The following ESRRB variants were observed in gnomAD, a reference collection of about 807,000 sequenced individuals.
The protein encoded by ESRRB is steroid hormone receptor ERR2.
In ESRRB, 16 loss-of-function variants were observed where a neutral mutation model predicts 46.0. The observed-to-expected ratio is 0.35, with a 90% CI of 0.24 to 0.53. The LOEUF is 0.53. ESRRB is among the 20% of genes least tolerant of loss of function. The pLI, the probability that ESRRB is intolerant of heterozygous loss-of-function variation, is 0.93. For missense variants in ESRRB, 488 were observed against 607.4 expected, an observed-to-expected ratio of 0.80 and a Z score of 2.07; for synonymous variants, 246 against 259.6, an observed-to-expected ratio of 0.95 and a Z score of 0.50.
intron 3 of ESRRB, among the ~76,000 whole-genome samples, chr14:76,474,991 G>A (rs991105776): frequency 2.0e-5 from 3 of 151,910 alleles, no homozygotes; most frequent in Non-Finnish European, 4.4e-5. Flanking sequence ...CACTTTGGGA[G>A]GCTGAGGCAG....
rs1312679222 is a variant in ESRRB at position 76,332,631 on chromosome 14, T to A, written c.2+21715T>A. Among the ~76,000 whole-genome samples the A allele has an allele frequency of 2.9e-3, 113 of 39,510 alleles. 1 individual carries two copies. Among genetic ancestry groups the A allele is most frequent in the African/African-American group, 0.014 (101 of 7,234 alleles). The allele number at this position is 39,510 out of a possible 152,430, so 25.9% of individuals were successfully genotyped here. On this transcript the variant is annotated intron_variant, in intron 1 of 6. Coordinates refer to the ESRRB transcript ENST00000512784. ...ATTTATATATTATATAAATATATAT[T>A]ATATATATTTATATATTATATAAAT... is the stretch of plus-strand genomic sequence containing the variant.
intron 2 of ESRRB, among the ~76,000 whole-genome samples, chr14:76,444,786 A>ATT (rs1003777274): frequency 6.6e-6 from 1 of 151,902 alleles, no homozygotes; most frequent in African/African-American, 2.4e-5. Flanking sequence ...TATTCAGGTC[A>ATT]TTTTTTTTAA....
intron 2 of ESRRB, among the ~76,000 whole-genome samples, chr14:76,460,718 T>TTTTTTTTTTTA (rs1888816998): frequency 2.6e-5 from 4 of 151,348 alleles, no homozygotes; most frequent in Admixed American, 6.6e-5. Context: ...CATTTTTTTT[T>TTTTTTTTTTTA]GAGACGGAGT....
intron 2 of ESRRB, among the ~76,000 whole-genome samples, chr14:76,440,048 G>A (rs1887854061): frequency 6.6e-6 from 1 of 152,124 alleles, no homozygotes; most frequent in African/African-American, 2.4e-5. Flanking sequence ...TCACTGGTAT[G>A]GAGTACACTG....
intron 6 of ESRRB, among the ~76,000 whole-genome samples, chr14:76,495,841 C>T (rs1263256067): frequency 6.6e-6 from 1 of 152,078 alleles, no homozygotes; most frequent in Non-Finnish European, 1.5e-5. Flanking sequence ...TATAAATCAT[C>T]CTTCCAAAGT....
intron 5 of ESRRB, among the ~76,000 whole-genome samples, chr14:76,488,127 C>G (rs1890087928): frequency 6.6e-6 from 1 of 152,170 alleles, no homozygotes; most frequent in Non-Finnish European, 1.5e-5. Context: ...TTTTCTTTCT[C>G]AATTTTCCTT....
chr14:76,314,683 A>G (rs1705534070), intron 1 of ESRRB, among the ~76,000 whole-genome samples: 1 of 152,030 alleles, frequency 6.6e-6, no homozygotes, highest in Admixed American at 6.5e-5. Flanking sequence ...TTCCCAGGTA[A>G]AGGCAGGTGA....
intron 1 of ESRRB, among the ~76,000 whole-genome samples, chr14:76,408,433 T>C (rs1886286502): frequency 1.3e-5 from 2 of 151,512 alleles, no homozygotes; most frequent in African/African-American, 4.9e-5. Context: ...TTTTAAAAAT[T>C]AACCAGGTGC....
Position 76,439,365 on chromosome 14 carries a change from C to G in ESRRB, c.75C>G (p.Asp25Glu), listed in dbSNP as rs1141580. The G allele has an allele frequency of 6.2e-7, 1 of 1,613,684 alleles. No individual in the cohort carries two copies. Among genetic ancestry groups the G allele is most frequent in the South Asian group, 1.1e-5 (1 of 91,086 alleles). The change falls in exon 2 of 7, where the codon GAC (aspartate) becomes GAG (glutamate). Residue 25 changes from aspartate to glutamate, a missense_variant. Coordinates refer to ENST00000644823, the MANE Select transcript of ESRRB (RefSeq NM_001379180.1). Reference sequence around the variant, plus strand: ...GGCTGCTGAACAGGATGTCCTCGGACGACAGGCACCTGGGCTCCAGCTGCG... The same window carrying G: ...GGCTGCTGAACAGGATGTCCTCGGAGGACAGGCACCTGGGCTCCAGCTGCG... ...HNQLLNRMSSDDRHLGSSCGS... is the reference protein window; with the variant it reads ...HNQLLNRMSSEDRHLGSSCGS...
chr14:76,431,953 C>T (rs535422019), intron 1 of ESRRB, among the ~76,000 whole-genome samples: 148 of 152,296 alleles, frequency 9.7e-4, no homozygotes, highest in Non-Finnish European at 1.8e-3. Context: ...ATCTGAAGTG[C>T]CAGTCTCAGG....
intron 1 of ESRRB, among the ~76,000 whole-genome samples, chr14:76,429,511 G>A (rs1315385448): frequency 6.6e-6 from 1 of 152,194 alleles, no homozygotes; most frequent in Non-Finnish European, 1.5e-5. Context: ...AGCACTTTGG[G>A]AGGCCAAGAC....
intron 1 of ESRRB, among the ~76,000 whole-genome samples, chr14:76,390,720 T>C (rs368387762): frequency 6.6e-6 from 1 of 152,312 alleles, no homozygotes; most frequent in South Asian, 2.1e-4. Flanking sequence ...CCCCTGTGCG[T>C]AGGGTTTAAC....
Position 76,439,846 on chromosome 14 carries a change from C to T in ESRRB, c.460+96C>T, listed in dbSNP as rs113856973. The T allele has an allele frequency of 5.5e-5, 74 of 1,354,346 alleles. No individual in the cohort carries two copies. In the African/African-American group the frequency reaches 9.1e-4, roughly 17 times the overall value. 83.9% of individuals were successfully genotyped at this position (1,354,346 alleles called of 1,614,324 possible). The stretch of plus-strand genomic sequence containing the variant: ...AGCCCTAGGAATTCCCAGAGACTGC[C>T]AATTCTGGGCGCTGTTGGAGCGGTA... On this transcript the variant is annotated intron_variant, in intron 2 of 6. Transcript: ENST00000644823.
chr14:76,451,499 T>A (rs1283005253), intron 2 of ESRRB, among the ~76,000 whole-genome samples: 1 of 152,226 alleles, frequency 6.6e-6, no homozygotes, highest in Non-Finnish European at 1.5e-5. Flanking sequence ...ATTGAAGGCT[T>A]CTGAGCAGGG....
At chr14:76,417,525 G>A (rs908719919) in intron 1 of ESRRB, among the ~76,000 whole-genome samples, 6 of 152,184 alleles carry the variant, frequency 3.9e-5, no homozygotes, top group African/African-American at 1.4e-4. Flanking sequence ...CAACATCAAT[G>A]TTGTTTCCTG....
intron 1 of ESRRB, among the ~76,000 whole-genome samples, chr14:76,333,420 TC>T (rs34192056): frequency 2.7e-5 from 1 of 36,502 alleles, no homozygotes; most frequent in Non-Finnish European, 6.4e-5. Context: ...TATATTTATA[TC>T]ATATATATAT....
chr14:76,375,531 G>A (rs2139787549), upstream of ESRRB, among the ~76,000 whole-genome samples: 1 of 152,310 alleles, frequency 6.6e-6, no homozygotes, highest in South Asian at 2.1e-4. Flanking sequence ...TTGAGAGAAC[G>A]TTTTATAGAT....
intron 1 of ESRRB, among the ~76,000 whole-genome samples, chr14:76,380,655 A>C (rs567834183): frequency 6.6e-6 from 1 of 152,226 alleles, no homozygotes; most frequent in Admixed American, 6.5e-5. Flanking sequence ...GCTGAGCAGG[A>C]GCTCTGCCCA....
chr14:76,349,358 CTCAATCTACAT>C (rs1174953138), intron 1 of ESRRB, among the ~76,000 whole-genome samples: 3 of 152,214 alleles, frequency 2.0e-5, no homozygotes, highest in African/African-American at 7.2e-5. Context: ...TCACACCTAA[CTCAATCTACAT>C]TCTGTACGCA....
Sources: gnomAD v4.1 joint callset for allele counts (sites outside exome capture counted in the v4.1 genomes callset) on GRCh38, gnomAD v4.1.1 for gene constraint, MANE v1.5 for transcripts, NCBI Gene and HGNC (gene_info 2026-07-23, HGNC 2026-07-21) for gene names.